ARHGEF38: variants seen among roughly 807,000 people sequenced by gnomAD.
The protein encoded by ARHGEF38 is Rho guanine nucleotide exchange factor (GEF) 38.
ARHGEF38 carries 79 observed loss-of-function variants against 79.9 expected under a neutral mutation model. The ratio of observed to expected loss-of-function variants is 0.99; its 90% CI spans 0.82 to 1.19. ARHGEF38 has a LOEUF of 1.19. Among genes scored for constraint, ARHGEF38 ranks in the 50% most tolerant of loss-of-function variants. The pLI, the probability that ARHGEF38 is intolerant of heterozygous loss-of-function variation, is 0.00. For synonymous variants in ARHGEF38, 366 were observed against 328.3 expected, an observed-to-expected ratio of 1.11 and a Z score of -1.24; for missense variants, 962 against 907.2, an observed-to-expected ratio of 1.06 and a Z score of -0.78.
At chr4:105,599,160 G>T (rs903840131) in intron 2 of ARHGEF38, among the ~76,000 whole-genome samples, 1 of 152,018 alleles carries the variant, frequency 6.6e-6, no homozygotes, top group Non-Finnish European at 1.5e-5. Context: ...TCTTATCTTT[G>T]CTTGTTCAGA....
chr4:105,635,529 A>G (rs1475055062), intron 4 of ARHGEF38, among the ~76,000 whole-genome samples: 3 of 152,126 alleles, frequency 2.0e-5, no homozygotes, highest in African/African-American at 4.8e-5. Flanking sequence ...TGATTCCTAA[A>G]TGATCACATT....
At chr4:105,632,817 A>G (rs1252235523) in intron 4 of ARHGEF38, 1 of 152,278 alleles carries the variant, frequency 6.6e-6, no homozygotes, top group Non-Finnish European at 1.5e-5. Context: ...ATGCGCTTCT[A>G]ACTGTTCACC....
chr4:105,557,788 T>C (rs1725321765), intron 1 of ARHGEF38, among the ~76,000 whole-genome samples: 1 of 152,082 alleles, frequency 6.6e-6, no homozygotes, highest in African/African-American at 2.4e-5. Context: ...AAATTTTTGG[T>C]AAACTTAAGC....
At chr4:105,662,017 G>A (rs893641236) in intron 10 of ARHGEF38, among the ~76,000 whole-genome samples, 5 of 152,140 alleles carry the variant, frequency 3.3e-5, no homozygotes, top group African/African-American at 1.2e-4. Flanking sequence ...AAAGACGTAT[G>A]TAATTTTGCT....
downstream of ARHGEF38, chr4:105,682,548 G>T (rs533829755): frequency 3.7e-6 from 2 of 541,008 alleles, no homozygotes; most frequent in Admixed American, 6.5e-5. Context: ...GAATAAAAAT[G>T]TTGAAGATTG....
Position 105,561,459 on chromosome 4 carries a change from A to AGAATAGAATGGAATG in ARHGEF38, c.196+8507_196+8508insGGAATGGAATAGAAT, listed in dbSNP as rs1578253525. 35 of 38,056 alleles carry AGAATAGAATGGAATG rather than the reference A, an allele frequency of 9.2e-4. 1 individual carries two copies. The highest frequency in any genetic ancestry group is 4.8e-3 in the South Asian group (5 of 1,034). The allele number at this position is 38,056 out of a possible 1,614,324, so 2.4% of individuals were successfully genotyped here. On this transcript the variant is annotated intron_variant, in intron 1 of 13. Transcript: ENST00000420470. ...AGAATAGAATAGAATGGAATAGAAT[A>AGAATAGAATGGAATG]GAATAGAATAGAATAGAATAGAATA... is the stretch of plus-strand genomic sequence containing the variant.
intron 1 of ARHGEF38, among the ~76,000 whole-genome samples, chr4:105,587,323 A>T (rs1386172574): frequency 2.0e-5 from 3 of 152,222 alleles, no homozygotes; most frequent in African/African-American, 7.2e-5. Context: ...ACAAAAAACA[A>T]AAAAACAAAT....
chr4:105,619,874 T>A (rs146022392), intron 3 of ARHGEF38, among the ~76,000 whole-genome samples: 5 of 152,330 alleles, frequency 3.3e-5, no homozygotes, highest in African/African-American at 1.2e-4. Context: ...GTTGGTGAGA[T>A]GTTTCCAAAA....
chr4:105,625,684 T>C (rs1333119119), intron 3 of ARHGEF38, among the ~76,000 whole-genome samples: 1 of 152,216 alleles, frequency 6.6e-6, no homozygotes, highest in Non-Finnish European at 1.5e-5. Flanking sequence ...TTCATTTATA[T>C]CCCACTGTGG....
chr4:105,631,129 C>T, intron 4 of ARHGEF38, 84 bp downstream of exon 4: 1 of 1,449,702 alleles, frequency 6.9e-7, no homozygotes, highest in African/African-American at 1.4e-5. Context: ...TGAAAGGTCT[C>T]ACATAAATCC....
chr4:105,667,811 T>A (rs1478434507), intron 13 of ARHGEF38, 108 bp downstream of exon 13: 44 of 1,315,546 alleles, frequency 3.3e-5, no homozygotes, highest in Non-Finnish European at 4.5e-5. Flanking sequence ...AGCTTTGACA[T>A]CAAGGAGACC....
intron 2 of ARHGEF38, 112 bp from the exon 3 acceptor site, chr4:105,613,272 A>C (rs1578311603): frequency 8.9e-6 from 9 of 1,015,810 alleles, no homozygotes; most frequent in Non-Finnish European, 1.2e-5. Context: ...TGTTAACAGA[A>C]ATGGTTAATG....
intron 2 of ARHGEF38, among the ~76,000 whole-genome samples, chr4:105,611,663 C>A (rs1251198311): frequency 6.6e-6 from 1 of 151,688 alleles, no homozygotes; most frequent in African/African-American, 2.4e-5. Flanking sequence ...AAATCTTGAA[C>A]CTCTCTAGAT....
At chr4:105,668,338 C>T (rs574638530) in intron 13 of ARHGEF38, among the ~76,000 whole-genome samples, 28 of 152,154 alleles carry the variant, frequency 1.8e-4, no homozygotes, top group African/African-American at 2.9e-4. Flanking sequence ...CACGTCACCA[C>T]GCCTGGCTAA....
chr4:105,561,832 G>A (rs1725646672), intron 1 of ARHGEF38, among the ~76,000 whole-genome samples: 1 of 152,168 alleles, frequency 6.6e-6, no homozygotes, highest in Non-Finnish European at 1.5e-5. Flanking sequence ...GTTAGACCTA[G>A]GGGTTTACAT....
rs79423341 is a variant in ARHGEF38 at position 105,673,638 on chromosome 4, T to A, written c.2149-4114T>A. On this transcript the variant is annotated intron_variant, in intron 13 of 13. Transcript: ENST00000420470. ...ACAGCTTGCAAAGTTATGTATACTA[T>A]AAGTCCATTTTTATTACCACTTCAG... is the stretch of plus-strand genomic sequence containing the variant. 9.0e-3 allele frequency among the ~76,000 whole-genome samples: 1,371 copies of A among 152,150 alleles called. 19 individuals are homozygous for A. The highest frequency in any genetic ancestry group is 0.029 in the African/African-American group (1,221 of 41,508).
chr4:105,664,694 A>G (rs1157636494), intron 10 of ARHGEF38, among the ~76,000 whole-genome samples: 1 of 152,198 alleles, frequency 6.6e-6, no homozygotes. Context: ...TGAGTATGGC[A>G]CAGGAAAACC....
Position 105,679,323 on chromosome 4 carries a change from A to T in ARHGEF38, c.*1386A>T. 1.1e-6 allele frequency: 1 copy of T among 880,042 alleles called. No homozygotes were observed. The allele number at this position is 880,042 out of a possible 1,614,324, so 54.5% of individuals were successfully genotyped here. A position where few individuals can be genotyped will look rare whatever the true frequency, so the allele number is the denominator to read the frequency against. On this transcript the variant is annotated 3_prime_UTR_variant, in exon 14 of 14. Transcript: ENST00000420470. ...CACTTTGCCTGTAACCTTTGACTCA[A>T]TTGGAGGAATATCAAAGCAAACACC...
chr4:105,679,730 CAT>C lies in ARHGEF38; in HGVS notation c.*1794_*1795del, dbSNP rs529573008. On this transcript the variant is annotated 3_prime_UTR_variant, in exon 14 of 14. Coordinates refer to ENST00000420470, the MANE Select transcript of ARHGEF38 (RefSeq NM_001242729.2). ...AAAGTAATTTGTGTTTTTTGTTCCA[CAT>C]GTCTTAGTTGACCTTTCTCTTGGTT... is the stretch of plus-strand genomic sequence containing the variant. 2.1e-4 allele frequency: 170 copies of C among 822,616 alleles called. 1 individual carries two copies. The highest frequency in any genetic ancestry group is 1.4e-3 in the Admixed American group (77 of 56,426). 51.0% of individuals were successfully genotyped at this position (822,616 alleles called of 1,614,324 possible). A position where few individuals can be genotyped will look rare whatever the true frequency, so the allele number is the denominator to read the frequency against.
Sources: allele counts gnomAD v4.1 joint callset (sites outside exome capture counted in the v4.1 genomes callset), GRCh38; gene constraint gnomAD v4.1.1; transcripts MANE v1.5; gene names NCBI Gene and HGNC (gene_info 2026-07-23, HGNC 2026-07-21).